The following ZXDC variants were observed in gnomAD, a reference collection of about 807,000 sequenced individuals.
ZXDC encodes the protein ZXD family zinc finger C, also known as zinc finger protein ZXDC.
A neutral mutation model predicts 63.6 loss-of-function variants in ZXDC; 58 were observed. The ratio of observed to expected loss-of-function variants is 0.91; its 90% CI spans 0.74 to 1.13. ZXDC has a LOEUF of 1.13. Among genes scored for constraint, ZXDC ranks in the 50% most tolerant of loss-of-function variants. The pLI is 0.00. For missense variants in ZXDC, 1,133 were observed against 1,148.9 expected (o/e 0.99, Z 0.20); for synonymous variants, 561 against 496.1 (o/e 1.13, Z -1.74).
At chr3:126,453,701 CT>C (rs552369109) in intron 7 of ZXDC, 10 of 973,870 alleles carry the variant, frequency 1.0e-5, no homozygotes, top group Non-Finnish European at 1.1e-5. Flanking sequence ...TATTTTTTTT[CT>C]TTTTTTTTGG....
At chr3:126,459,138 C>T (rs946946317) in intron 7 of ZXDC, 14 of 985,346 alleles carry the variant, frequency 1.4e-5, no homozygotes, top group Non-Finnish European at 1.6e-5. Context: ...ATGCTTGAGG[C>T]CATAGGTTAC....
At chr3:126,454,092 T>G in intron 7 of ZXDC, 1 of 916,100 alleles carries the variant, frequency 1.1e-6, no homozygotes, top group Non-Finnish European at 1.3e-6. Flanking sequence ...GACTTTTGTA[T>G]AGTTTTCCTG....
chr3:126,458,942 G>A (rs912557612), intron 7 of ZXDC: 2 of 981,430 alleles, frequency 2.0e-6, no homozygotes, highest in Non-Finnish European at 2.4e-6. Flanking sequence ...TAAATAAGAA[G>A]TCATAATACT....
At chr3:126,450,925 CA>C (rs1469236347) in intron 7 of ZXDC, among the ~76,000 whole-genome samples, 1 of 152,198 alleles carries the variant, frequency 6.6e-6, no homozygotes, top group Non-Finnish European at 1.5e-5. Context: ...ACACCAGGCT[CA>C]GGGGGTCCCG....
Position 126,438,312 on chromosome 3 carries a change from A to G in ZXDC, c.*63T>C. On this transcript the variant is annotated 3_prime_UTR_variant, in exon 10 of 10. Coordinates refer to ENST00000389709, the MANE Select transcript of ZXDC (RefSeq NM_025112.5). ...AATGAGGTCTCCCCAGGCTCATGTC[A>G]TGAGTCTCAGGGAAGGTGTGTCCTA... The G allele has an allele frequency of 3.5e-6, 5 of 1,423,736 alleles. No individual in the cohort carries two copies. The South Asian group carries it at 6.1e-5, about 17-fold the overall frequency. The allele number at this position is 1,423,736 out of a possible 1,614,324, so 88.2% of individuals were successfully genotyped here.
At position 126,466,208 on chromosome 3, in the gene ZXDC, G is replaced by A. The variant is rs1934757710; in HGVS notation, c.1388C>T (p.Thr463Ile). The change falls in exon 5 of 10, where the codon ACC becomes ATC. Residue 463 changes from threonine to isoleucine, a missense_variant. By Grantham distance (89) the Thr-to-Ile change is moderately conservative. Coordinates refer to ENST00000389709, the MANE Select transcript of ZXDC (RefSeq NM_025112.5). ...CPVSTCNRLF[T>I]SKHSMKAHMV... is the part of the protein sequence containing the mutation. Reference sequence around the variant, plus strand: ...GTGCGCCTTCATGCTGTGCTTGGAGGTGAAGAGTCTGTTGCAGGTAGAAAC... The same window carrying A: ...GTGCGCCTTCATGCTGTGCTTGGAGATGAAGAGTCTGTTGCAGGTAGAAAC... The A allele has an allele frequency of 1.9e-6, 3 of 1,614,242 alleles. No individual in the cohort carries two copies. Among genetic ancestry groups the A allele is most frequent in the Non-Finnish European group, 2.5e-6 (3 of 1,180,052 alleles).
rs553381068 is a variant in ZXDC at position 126,450,444 on chromosome 3, G to A, written c.2213-8498C>T. 40 of 456,692 alleles carry A rather than the reference G, an allele frequency of 8.8e-5. No homozygotes were observed. In the East Asian group the frequency reaches 1.3e-3, roughly 14 times the overall value. 28.3% of individuals were successfully genotyped at this position (456,692 alleles called of 1,614,324 possible). ...CCAGGGGTGTACACGGGGCCCACAG[G>A]GTATGACAAAGCCCCTGCATCCTCA... is the stretch of plus-strand genomic sequence containing the variant. On this transcript the variant is annotated intron_variant, in intron 7 of 9. Transcript: ENST00000389709.
intron 6 of ZXDC, chr3:126,461,079 A>AC: frequency 1.0e-6 from 1 of 982,776 alleles, no homozygotes; most frequent in Non-Finnish European, 1.2e-6. Flanking sequence ...CATAAACCCC[A>AC]CCCTTTTTTT....
chr3:126,445,601 A>G (rs1241500675), intron 7 of ZXDC, among the ~76,000 whole-genome samples: 1 of 151,570 alleles, frequency 6.6e-6, no homozygotes, highest in Non-Finnish European at 1.5e-5. Context: ...TGGCAAGCAG[A>G]AGGACAGCTG....
intron 7 of ZXDC, chr3:126,450,390 A>G (rs1576668396): frequency 4.4e-6 from 2 of 456,386 alleles, no homozygotes; most frequent in South Asian, 1.5e-5. Context: ...AGATCCACGC[A>G]CCCTCCCCTG....
In ZXDC at chr3:126,461,574, C is replaced by T; in HGVS notation, c.2088G>A (p.Gln696=). Residue 696 remains glutamine (Q), a synonymous_variant, in exon 6 of 10, where the codon CAG becomes CAA. Coordinates refer to ENST00000389709, the MANE Select transcript of ZXDC (RefSeq NM_025112.5). ...CAGTGCCTGCACTGAGCTCTGTGTCCTGGGCACCGTGCTGCTCTGCTGGAC... is the reference window on the plus strand; with the variant it reads ...CAGTGCCTGCACTGAGCTCTGTGTCTTGGGCACCGTGCTGCTCTGCTGGAC... ...LPSPAEQHGA[Q]DTELSAGTGN... 1 of 1,614,082 alleles carries T rather than the reference C, an allele frequency of 6.2e-7. No homozygotes were observed. The highest frequency in any genetic ancestry group is 8.5e-7 in the Non-Finnish European group (1 of 1,179,946).
intron 5 of ZXDC, among the ~76,000 whole-genome samples, chr3:126,464,732 T>C (rs761192072): frequency 2.6e-5 from 4 of 152,086 alleles, no homozygotes; most frequent in Admixed American, 2.0e-4. Flanking sequence ...CTAAGTGATG[T>C]AGTCTCACAG....
chr3:126,459,048 T>C (rs1934418491), intron 7 of ZXDC: 1 of 985,082 alleles, frequency 1.0e-6, no homozygotes. Flanking sequence ...ATTTTAAAAA[T>C]CCACTGTTAG....
At chr3:126,466,723 G>A (rs1934784315) in intron 4 of ZXDC, among the ~76,000 whole-genome samples, 3 of 152,108 alleles carry the variant, frequency 2.0e-5, no homozygotes, top group African/African-American at 7.2e-5. Flanking sequence ...GTAATCCTAG[G>A]ATGACATTTA....
intron 3 of ZXDC, 51 bp from the exon 4 acceptor site, chr3:126,471,076 A>T (rs777499): frequency 6.3e-7 from 1 of 1,587,840 alleles, no homozygotes; most frequent in South Asian, 1.1e-5. Context: ...AACTCACCAT[A>T]ATTCTTTAAA....
chr3:126,453,295 C>T (rs1402196578), intron 7 of ZXDC: 1 of 985,178 alleles, frequency 1.0e-6, no homozygotes, highest in East Asian at 1.1e-4. Flanking sequence ...ATTGCTCAGA[C>T]AGAAAAGGAA....
chr3:126,450,644 C>T (rs776113891), intron 7 of ZXDC: 7 of 418,428 alleles, frequency 1.7e-5, no homozygotes, highest in South Asian at 1.2e-4. Context: ...CTTCCTGCTG[C>T]TCTCCCTGGA....
intron 7 of ZXDC, chr3:126,451,653 A>G: frequency 2.0e-6 from 2 of 985,370 alleles, no homozygotes; most frequent in South Asian, 4.7e-5. Flanking sequence ...CCTGGCCCTC[A>G]GTCAGATCTA....
chr3:126,470,551 C>T (rs1326779961), intron 4 of ZXDC, among the ~76,000 whole-genome samples: 1 of 152,210 alleles, frequency 6.6e-6, no homozygotes, highest in African/African-American at 2.4e-5. Flanking sequence ...AACGTGATCT[C>T]AAAAGTACCT....
Sources: gnomAD v4.1 joint callset for allele counts (sites outside exome capture counted in the v4.1 genomes callset) on GRCh38, gnomAD v4.1.1 for gene constraint, MANE v1.5 for transcripts, NCBI Gene and HGNC (gene_info 2026-07-23, HGNC 2026-07-21) for gene names.